The following STC1 variants were observed in gnomAD, a reference collection of about 807,000 sequenced individuals.
The protein encoded by STC1 is stanniocalcin-1.
A neutral mutation model predicts 22.6 loss-of-function variants in STC1; 7 were observed. The ratio of observed to expected loss-of-function variants is 0.31; its 90% CI spans 0.18 to 0.58. The LOEUF (loss-of-function observed/expected upper bound fraction) is 0.58. Among genes scored for constraint, STC1 ranks in the 20% least tolerant of loss-of-function variants. The probability of loss-of-function intolerance (pLI) is 0.89; values close to 1 mark genes in which losing one functional copy is unlikely to be tolerated. For synonymous variants in STC1, 113 were observed against 120.7 expected (o/e 0.94, Z 0.42); for missense variants, 224 against 311.0 (o/e 0.72, Z 2.10).
chr8:23,846,192 G>T (rs546109869), intron 3 of STC1, among the ~76,000 whole-genome samples: 73 of 152,136 alleles, frequency 4.8e-4, no homozygotes, highest in African/African-American at 1.8e-3. Context: ...TCTTTGCAGC[G>T]AATTCTTTAA....
Position 23,851,327 on chromosome 8 carries a change from A to G in STC1, c.466T>C (p.Ser156Pro). Residue 156 changes from serine (S) to proline (P), a missense_variant, in exon 3 of 4, where the codon TCC (serine) becomes CCC (proline). Physicochemically the swap from Ser to Pro is moderately conservative, Grantham distance 74. Transcript: ENST00000290271. ...AGTAGACTCAGTTTGTACCTGTTGG[A>G]GAAGTGATTGGGCAGCTGGACGACC... ...TEVVQLPNHF[S>P]NRYYNRLVRS... 2 of 1,614,076 alleles carry G rather than the reference A, an allele frequency of 1.2e-6. No individual in the cohort carries two copies. The highest frequency in any genetic ancestry group is 1.7e-6 in the Non-Finnish European group (2 of 1,180,026).
rs533658525 is a variant in STC1, at chr8:23,849,319, A to G, written c.473+2001T>C. ...GCCCAGCATGGAACCGGACATTTCT[A>G]CAATCCTGAGCAGGAATAATATAGC... On this transcript the variant is annotated intron_variant, in intron 3 of 3. Transcript: ENST00000290271. 3.9e-4 allele frequency among the ~76,000 whole-genome samples: 60 copies of G among 152,352 alleles called. 1 individual carries two copies. The South Asian group carries it at 0.012, about 31-fold the overall frequency.
Position 23,842,873 on chromosome 8 carries a change from TG to T in STC1, c.*1896del. On this transcript the variant is annotated 3_prime_UTR_variant, in exon 4 of 4. Transcript: ENST00000290271. ...GCAGCAATGTTTGTGCTGCTGCTGC[TG>T]CTGCTGGGTCTGCTGCAATTGCTCT... 6.4e-6 allele frequency: 1 copy of T among 155,724 alleles called. No individual in the cohort carries two copies. The highest frequency in any genetic ancestry group is 1.4e-5 in the Non-Finnish European group (1 of 69,850). The allele number at this position is 155,724 out of a possible 1,614,324, so 9.6% of individuals were successfully genotyped here.
rs1411232009 is a variant in STC1 at position 23,844,538 on chromosome 8, C to T, written c.*232G>A. ...GGAAGTTGGTAAAAGAGGGTACTTT[C>T]TCCTGAGGAGAGGCAGAATGGTCAC... On this transcript the variant is annotated 3_prime_UTR_variant, in exon 4 of 4. Coordinates refer to ENST00000290271, the MANE Select transcript of STC1 (RefSeq NM_003155.3). 1.4e-5 allele frequency: 8 copies of T among 569,518 alleles called. No homozygotes were observed. The highest frequency in any genetic ancestry group is 3.1e-5 in the Admixed American group (1 of 32,212). The allele number at this position is 569,518 out of a possible 1,614,324, so 35.3% of individuals were successfully genotyped here.
chr8:23,846,703 C>T (rs1020428124), intron 3 of STC1, among the ~76,000 whole-genome samples: 2 of 152,276 alleles, frequency 1.3e-5, no homozygotes, highest in Non-Finnish European at 2.9e-5. Flanking sequence ...CTGACACAGG[C>T]CTGGTGAAAC....
rs1802537930 is a variant in STC1 at position 23,843,431 on chromosome 8, G to A, written c.*1339C>T. On this transcript the variant is annotated 3_prime_UTR_variant, in exon 4 of 4. Transcript: ENST00000290271. ...GTCTATTAAGGCTGGACAGCCCAGGGTTATTTATACTCTCTCAGCCCCAAG... is the reference window on the plus strand; with the variant it reads ...GTCTATTAAGGCTGGACAGCCCAGGATTATTTATACTCTCTCAGCCCCAAG... 6.6e-6 allele frequency: 1 copy of A among 152,476 alleles called. No individual in the cohort carries two copies. Among genetic ancestry groups the A allele is most frequent in the Admixed American group, 6.6e-5 (1 of 15,266 alleles). The allele number at this position is 152,476 out of a possible 1,614,324, so 9.4% of individuals were successfully genotyped here.
rs751755980 is a variant in STC1, at chr8:23,854,569, G to GC, written c.-47dup. 9.8e-6 allele frequency: 14 copies of GC among 1,427,880 alleles called. No individual in the cohort carries two copies. Among genetic ancestry groups the GC allele is most frequent in the African/African-American group, 4.3e-5 (3 of 70,322 alleles). The allele number at this position is 1,427,880 out of a possible 1,614,324, so 88.5% of individuals were successfully genotyped here. A position where few individuals can be genotyped will look rare whatever the true frequency, so the allele number is the denominator to read the frequency against. On this transcript the variant is annotated 5_prime_UTR_variant, in exon 1 of 4. Coordinates refer to ENST00000290271, the MANE Select transcript of STC1 (RefSeq NM_003155.3). The stretch of plus-strand genomic sequence containing the variant: ...AGTTGTTGGGTTTTTTTTTTTTCCT[G>GC]CCCCCCTTTCCTCTTTCCCTCTCCT...
At chr8:23,852,595 A>G (rs1802651240) in intron 1 of STC1, among the ~76,000 whole-genome samples, 1 of 152,184 alleles carries the variant, frequency 6.6e-6, no homozygotes, top group Non-Finnish European at 1.5e-5. Flanking sequence ...CATGATGGAC[A>G]GGGAGGGAGT....
intron 3 of STC1, among the ~76,000 whole-genome samples, chr8:23,849,590 T>C (rs1241045161): frequency 6.6e-6 from 1 of 152,158 alleles, no homozygotes; most frequent in Non-Finnish European, 1.5e-5. Flanking sequence ...TCTAGTCGAG[T>C]AGCTATATAG....
intron 2 of STC1, among the ~76,000 whole-genome samples, chr8:23,851,747 C>T (rs776700301): frequency 7.3e-5 from 11 of 151,116 alleles, no homozygotes; most frequent in African/African-American, 1.2e-4. Flanking sequence ...TAAGCTCTAC[C>T]GAAATGAAAT....
intron 1 of STC1, among the ~76,000 whole-genome samples, chr8:23,853,684 A>C (rs146862915): frequency 1.6e-3 from 244 of 152,322 alleles, no homozygotes; most frequent in African/African-American, 5.6e-3. Flanking sequence ...TTCAGAAGCC[A>C]AGATAATGCA....
intron 3 of STC1, among the ~76,000 whole-genome samples, chr8:23,847,237 T>C (rs1015319657): frequency 6.6e-6 from 1 of 152,202 alleles, no homozygotes; most frequent in Non-Finnish European, 1.5e-5. Context: ...ATTAAGCTTC[T>C]GCAGCCAGCT....
Position 23,852,336 on chromosome 8 carries a change from G to A in STC1, c.167C>T (p.Ala56Val), listed in dbSNP as rs570073385. 3.8e-5 allele frequency: 61 copies of A among 1,613,536 alleles called. 1 individual carries two copies. The South Asian group carries it at 6.0e-4, about 16-fold the overall frequency. ...LNSALQVGCG[A>V]FACLENSTCD... is the part of the protein sequence containing the mutation. ...GGTGGAGTTTTCCAGGCATGCAAAAGCCCCGCAGCCGACCTGTAGAGCACT... is the reference window on the plus strand; with the variant it reads ...GGTGGAGTTTTCCAGGCATGCAAAAACCCCGCAGCCGACCTGTAGAGCACT... The change falls in exon 2 of 4, where the codon GCT (alanine) becomes GTT (valine). Residue 56 changes from alanine to valine, a missense_variant. Coordinates refer to ENST00000290271, the MANE Select transcript of STC1 (RefSeq NM_003155.3).
chr8:23,849,927 C>T (rs995643998), intron 3 of STC1, among the ~76,000 whole-genome samples: 5 of 152,126 alleles, frequency 3.3e-5, no homozygotes, highest in Non-Finnish European at 5.9e-5. Context: ...CAATAAGAAT[C>T]TTCCTAGGGG....
At position 23,846,663 on chromosome 8, in the gene STC1, G is replaced by T. The variant is rs572699389; in HGVS notation, c.474-1623C>A. ...TGTGGCACAGCAGAAGGAAGCTGGG[G>T]ACTGAGAGGCAAGTGCAGTGTCTTG... is the stretch of plus-strand genomic sequence containing the variant. On this transcript the variant is annotated intron_variant, in intron 3 of 3. Transcript: ENST00000290271. Among the ~76,000 whole-genome samples the T allele has an allele frequency of 2.0e-5, 3 of 152,290 alleles. No individual in the cohort carries two copies. The South Asian group carries it at 6.2e-4, about 32-fold the overall frequency.
intron 3 of STC1, among the ~76,000 whole-genome samples, chr8:23,845,551 C>CAGGTGTGTGTGTGTGTGTGTGTATGCAG (rs1311263396): frequency 1.4e-5 from 2 of 144,912 alleles, no homozygotes; most frequent in Non-Finnish European, 3.0e-5. Context: ...TGTGTGGGCA[C>CAGGTGTGTGTGTGTGTGTGTGTATGCAG]AGGTGTGTGT....
In STC1 at chr8:23,843,253, A is replaced by G. The variant is rs1802534656; in HGVS notation, c.*1517T>C. ...CTTTGGTGGTCGCCATCTTGTAAACATCATGGCAGAAATGATCAAACCACC... is the reference window on the plus strand; with the variant it reads ...CTTTGGTGGTCGCCATCTTGTAAACGTCATGGCAGAAATGATCAAACCACC... On this transcript the variant is annotated 3_prime_UTR_variant, in exon 4 of 4. Transcript: ENST00000290271. The G allele has an allele frequency of 6.6e-6, 1 of 152,224 alleles. No individual in the cohort carries two copies. The highest frequency in any genetic ancestry group is 2.1e-4 in the South Asian group (1 of 4,818). 9.4% of individuals were successfully genotyped at this position (152,224 alleles called of 1,614,324 possible). A position where few individuals can be genotyped will look rare whatever the true frequency, so the allele number is the denominator to read the frequency against.
intron 3 of STC1, among the ~76,000 whole-genome samples, chr8:23,848,471 G>T (rs1429440657): frequency 7.1e-6 from 1 of 141,040 alleles, no homozygotes; most frequent in Non-Finnish European, 1.5e-5. Context: ...GATGGAGGTT[G>T]CAGTGAACTG....
In STC1 at chr8:23,854,729, T is replaced by TGCTGCTGCTGCTGCCACCGCC. The variant is rs1407652295; in HGVS notation, c.-227_-207dup. Reference sequence around the variant, plus strand: ...CCGCTGCTGCTGCTGCTGCCGCCGCTGCTGCTGCTGCTGCCACCGCCGCTG... The same window carrying TGCTGCTGCTGCTGCCACCGCC: ...CCGCTGCTGCTGCTGCTGCCGCCGCTGCTGCTGCTGCTGCCACCGCCGCTGCTGCTGCTGCCACCGCCGCTG... On this transcript the variant is annotated 5_prime_UTR_variant, in exon 1 of 4. Coordinates refer to ENST00000290271, the MANE Select transcript of STC1 (RefSeq NM_003155.3). The TGCTGCTGCTGCTGCCACCGCC allele has an allele frequency of 5.6e-5, 32 of 571,990 alleles. No individual in the cohort carries two copies. Among genetic ancestry groups the TGCTGCTGCTGCTGCCACCGCC allele is most frequent in the Non-Finnish European group, 8.8e-5 (27 of 305,490 alleles). 35.4% of individuals were successfully genotyped at this position (571,990 alleles called of 1,614,324 possible).
Sources: allele counts gnomAD v4.1 joint callset (sites outside exome capture counted in the v4.1 genomes callset), GRCh38; gene constraint gnomAD v4.1.1; transcripts MANE v1.5; gene names NCBI Gene and HGNC (gene_info 2026-07-23, HGNC 2026-07-21).